Variants in PFKP observed in about 807,000 individuals in gnomAD.
The protein encoded by PFKP is ATP-dependent 6-phosphofructokinase, platelet type.
PFKP carries 101 observed loss-of-function variants against 94.3 expected under a neutral mutation model. The observed-to-expected ratio is 1.07, with a 90% CI of 0.91 to 1.26. PFKP has a LOEUF of 1.26. Ranked by LOEUF, PFKP falls within the 50% of genes most tolerant of loss-of-function variation. The pLI is 0.00. For synonymous variants in PFKP, 573 were observed against 432.6 expected (o/e 1.32, Z -4.03); for missense variants, 1,145 against 1,103.3 (o/e 1.04, Z -0.53).
intron 16 of PFKP, among the ~76,000 whole-genome samples, chr10:3,124,227 A>C (rs1346364808): frequency 6.6e-6 from 1 of 152,126 alleles, no homozygotes; most frequent in Non-Finnish European, 1.5e-5. Context: ...GGGGATATTC[A>C]CAGTAAGACG....
intron 9 of PFKP, 67 bp downstream of exon 9, chr10:3,108,860 G>A: frequency 2.6e-6 from 3 of 1,137,104 alleles, no homozygotes; most frequent in Non-Finnish European, 2.7e-6. Context: ...AGAGGCACAG[G>A]CACCAGCCGG....
At chr10:3,126,288 C>G (rs1354756445) in intron 16 of PFKP, among the ~76,000 whole-genome samples, 1 of 152,234 alleles carries the variant, frequency 6.6e-6, no homozygotes, top group East Asian at 1.9e-4. Context: ...TCCTGGCCAT[C>G]TCTCTCCTAG....
rs143287169 is a variant in PFKP at position 3,099,311 on chromosome 10, G to A, written c.223G>A (p.Ala75Thr). ...QGMVDGGSNI[A>T]EADWESVSSI... is the part of the protein sequence containing the mutation. ...CATGGTGGACGGAGGCTCAAACATC[G>A]CAGAGGCCGACTGGGAGAGTGTCTC... Residue 75 changes from alanine to threonine, a missense_variant, in exon 3 of 22, where the codon GCA becomes ACA. Coordinates refer to ENST00000381125, the MANE Select transcript of PFKP (RefSeq NM_002627.5). 1.2e-4 allele frequency: 191 copies of A among 1,614,078 alleles called. No homozygotes were observed. Among genetic ancestry groups the A allele is most frequent in the Non-Finnish European group, 1.4e-4 (160 of 1,179,970 alleles).
chr10:3,078,825 C>T (rs373857120), intron 1 of PFKP, among the ~76,000 whole-genome samples: 27 of 152,292 alleles, frequency 1.8e-4, no homozygotes, highest in African/African-American at 5.3e-4. Context: ...CTACTGGGCC[C>T]CACCGAGTGC....
chr10:3,075,556 G>A (rs1832513480), intron 1 of PFKP, among the ~76,000 whole-genome samples: 3 of 146,048 alleles, frequency 2.1e-5, no homozygotes, highest in South Asian at 2.3e-4. Flanking sequence ...TGTTATATAT[G>A]CAATTTTAAA....
At chr10:3,133,544 C>A (rs928447643) in intron 19 of PFKP, among the ~76,000 whole-genome samples, 17 of 152,216 alleles carry the variant, frequency 1.1e-4, no homozygotes, top group African/African-American at 3.9e-4. Context: ...GATTCTCCTG[C>A]ATCAGCCTCC....
chr10:3,096,277 G>T (rs551145274), intron 2 of PFKP, among the ~76,000 whole-genome samples: 2 of 152,286 alleles, frequency 1.3e-5, no homozygotes, highest in African/African-American at 4.8e-5. Flanking sequence ...GTGCATGGTT[G>T]ACTCCTGGGC....
chr10:3,093,181 A>C (rs1378730692), intron 2 of PFKP, among the ~76,000 whole-genome samples: 1 of 149,098 alleles, frequency 6.7e-6, no homozygotes, highest in African/African-American at 2.4e-5. Context: ...GACTTCTGGG[A>C]CTGTGTCTGA....
chr10:3,100,108 G>T (rs1349902814), intron 3 of PFKP, among the ~76,000 whole-genome samples: 1 of 149,362 alleles, frequency 6.7e-6, no homozygotes, highest in African/African-American at 2.5e-5. Flanking sequence ...TGAGAGAATG[G>T]GAATGGCACC....
chr10:3,126,016 C>T (rs1386867186), intron 16 of PFKP, among the ~76,000 whole-genome samples: 2 of 152,196 alleles, frequency 1.3e-5, no homozygotes, highest in Admixed American at 6.5e-5. Flanking sequence ...AGGCCTGCAT[C>T]GCGTGCGGGG....
Position 3,119,992 on chromosome 10 carries a change from C to G in PFKP, c.1631C>G (p.Pro544Arg). 1 of 1,613,936 alleles carries G rather than the reference C, an allele frequency of 6.2e-7. No homozygotes were observed. The highest frequency in any genetic ancestry group is 8.5e-7 in the Non-Finnish European group (1 of 1,179,816). ...MVPATVSNNV[P>R]GSDFSIGADT... ...CCCGCTACTGTGTCCAACAATGTGC[C>G]GGGTTCCGATTTCAGCATCGGGGCA... The change falls in exon 16 of 22, where the codon CCG becomes CGG. Residue 544 changes from proline to arginine, a missense_variant. Physicochemically the swap from Pro to Arg is moderately radical, Grantham distance 103. Coordinates refer to ENST00000381125, the MANE Select transcript of PFKP (RefSeq NM_002627.5).
At position 3,129,809 on chromosome 10, in the gene PFKP, C is replaced by G. The variant is rs187827389; in HGVS notation, c.1684-10C>G. 1.5e-4 allele frequency: 243 copies of G among 1,613,174 alleles called. No homozygotes were observed. In the East Asian group the frequency reaches 4.2e-3, roughly 28 times the overall value. ...TGGGCTGGAGTGACTGATCGCTTCT[C>G]TGTGACCAGACCTGCGACCGCATCA... On this transcript the variant is annotated splice_polypyrimidine_tract_variant and intron_variant, in intron 16 of 21. Transcript: ENST00000381125.
At chr10:3,100,061 G>A (rs1266331945) in intron 3 of PFKP, among the ~76,000 whole-genome samples, 3 of 133,968 alleles carry the variant, frequency 2.2e-5, no homozygotes, top group African/African-American at 1.1e-4. Context: ...TGTGTGGTGT[G>A]TGTGTGTGTG....
At chr10:3,128,803 T>A (rs942797046) in intron 16 of PFKP, among the ~76,000 whole-genome samples, 1 of 152,196 alleles carries the variant, frequency 6.6e-6, no homozygotes, top group African/African-American at 2.4e-5. Flanking sequence ...GGATTAGGGA[T>A]AGGACTGGGA....
At chr10:3,088,025 T>C (rs1833750425) in intron 2 of PFKP, among the ~76,000 whole-genome samples, 1 of 147,344 alleles carries the variant, frequency 6.8e-6, no homozygotes, top group African/African-American at 2.6e-5. Flanking sequence ...CTTTAAGTTC[T>C]AGGGTACATG....
rs188721694 is a variant in PFKP at position 3,096,939 on chromosome 10, G to A, written c.187-2336G>A. On this transcript the variant is annotated intron_variant, in intron 2 of 21. Coordinates refer to ENST00000381125, the MANE Select transcript of PFKP (RefSeq NM_002627.5). ...TAAAAATACAAAAAATTAGCCGGGC[G>A]TGGTGGCGGGTGCCTGTAGTCCCAG... Among the ~76,000 whole-genome samples, 4 of 121,350 alleles carry A rather than the reference G, an allele frequency of 3.3e-5. 1 individual carries two copies. The highest frequency in any genetic ancestry group is 6.4e-5 in the African/African-American group (2 of 31,226). The allele number at this position is 121,350 out of a possible 152,430, so 79.6% of individuals were successfully genotyped here. A position where few individuals can be genotyped will look rare whatever the true frequency, so the allele number is the denominator to read the frequency against.
In PFKP at chr10:3,105,474, G is replaced by C. The variant is rs769503513; in HGVS notation, c.747G>C (p.Glu249Asp). The C allele has an allele frequency of 8.1e-6, 13 of 1,613,730 alleles. No individual in the cohort carries two copies. The Admixed American group carries it at 1.7e-4, about 21-fold the overall frequency. ...AATCTCCACCAGAGGAAGGCTGGGA[G>C]GAGCAGATGTGTGTCAAACTCTCGG... ...LPESPPEEGWEEQMCVKLSEN... is the reference protein window; with the variant it reads ...LPESPPEEGWDEQMCVKLSEN... Residue 249 changes from glutamate (E) to aspartate (D), a missense_variant, in exon 7 of 22, where the codon GAG becomes GAC. By Grantham distance (45) the Glu-to-Asp change is conservative. Around this residue, in one of 3 missense-constraint regions of PFKP, gnomAD observed 1,119 missense variants for 1,062.8 expected, o/e 1.05. Transcript: ENST00000381125.
chr10:3,069,887 G>C (rs1446561025), intron 1 of PFKP, among the ~76,000 whole-genome samples: 1 of 152,220 alleles, frequency 6.6e-6, no homozygotes, highest in East Asian at 1.9e-4. Context: ...CTGTTACCCT[G>C]GTTTTGCCAC....
intron 2 of PFKP, among the ~76,000 whole-genome samples, chr10:3,093,938 T>A (rs1385308810): frequency 6.6e-6 from 1 of 152,224 alleles, no homozygotes; most frequent in East Asian, 1.9e-4. Context: ...CCACCGCATC[T>A]GTCGTAGCAT....
Sources: allele counts gnomAD v4.1 joint callset (sites outside exome capture counted in the v4.1 genomes callset), GRCh38; gene constraint gnomAD v4.1.1; regional missense constraint gnomAD v4.1.1; transcripts MANE v1.5; gene names NCBI Gene and HGNC (gene_info 2026-07-23, HGNC 2026-07-21).